The following AGPAT2 variants were observed in gnomAD, a reference collection of about 807,000 sequenced individuals.
AGPAT2 encodes 1-acylglycerol-3-phosphate O-acyltransferase 2.
A neutral mutation model predicts 26.1 loss-of-function variants in AGPAT2; 18 were observed. The observed-to-expected ratio is 0.69, with a 90% CI of 0.48 to 1.02. The LOEUF (loss-of-function observed/expected upper bound fraction) is 1.02, where lower values mean the gene tolerates loss of function less well. Ranked by LOEUF, AGPAT2 falls within the 50% of genes least tolerant of loss-of-function variation. AGPAT2 has a pLI of 0.00. For synonymous variants in AGPAT2, 200 were observed against 174.2 expected (o/e 1.15, Z -1.16); for missense variants, 415 against 394.9 (o/e 1.05, Z -0.43).
rs1289409198 is a variant in AGPAT2, at chr9:136,676,677, T to C, written c.496A>G (p.Lys166Glu). 1.2e-6 allele frequency: 2 copies of C among 1,613,396 alleles called. No individual in the cohort carries two copies. Among genetic ancestry groups the C allele is most frequent in the Non-Finnish European group, 1.7e-6 (2 of 1,179,820 alleles). The part of the protein sequence containing the change: ...LGERMVRENL[K>E]VWIYPEGTRN... The stretch of plus-strand genomic sequence containing the variant: ...GTACCCTCGGGATAGATCCACACTT[T>C]GAGCTGCAGGGAGAGGAGAGCCTGG... Residue 166 changes from lysine (K) to glutamate (E), a missense_variant, in exon 4 of 6, where the codon AAA (lysine) becomes GAA (glutamate). By Grantham distance (56) the Lys-to-Glu change is moderately conservative. Coordinates refer to ENST00000371696, the MANE Select transcript of AGPAT2 (RefSeq NM_006412.4).
chr9:136,679,964 G>GA (rs1247397696), intron 1 of AGPAT2, among the ~76,000 whole-genome samples: 1 of 152,238 alleles, frequency 6.6e-6, no homozygotes, highest in African/African-American at 2.4e-5. Context: ...AGTGTGCAGT[G>GA]AATTAGGAAA....
intron 3 of AGPAT2, 99 bp from the exon 4 acceptor site, chr9:136,676,779 T>C (rs1470088414): frequency 7.4e-7 from 1 of 1,344,616 alleles, no homozygotes; most frequent in Non-Finnish European, 1.1e-6. Context: ...GCAAAGCAGC[T>C]GGCATGGGAC....
chr9:136,686,156 G>A (rs1418698453), intron 1 of AGPAT2, among the ~76,000 whole-genome samples: 3 of 152,232 alleles, frequency 2.0e-5, no homozygotes, highest in African/African-American at 7.2e-5. Flanking sequence ...GCCCGTTCCA[G>A]CAGCCTCAGT....
At chr9:136,686,895 G>A (rs1846228230) in intron 1 of AGPAT2, among the ~76,000 whole-genome samples, 1 of 152,260 alleles carries the variant, frequency 6.6e-6, no homozygotes, top group African/African-American at 2.4e-5. Flanking sequence ...ACGCCGGGCT[G>A]CAGGGACGCG....
rs374919945 is a variant in AGPAT2 at position 136,676,977 on chromosome 9, C to A, written c.476G>T (p.Arg159Leu). ...AMTVMADLGE[R>L]MVRENLKVWI... ...CACACTCACGTTCTCCCTGACCATG[C>A]GCTCGCCCAGGTCGGCCATCACTGT... Residue 159 changes from arginine (R) to leucine (L), a missense_variant, in exon 3 of 6, where the codon CGC becomes CTC. Coordinates refer to ENST00000371696, the MANE Select transcript of AGPAT2 (RefSeq NM_006412.4). 2.6e-5 allele frequency: 41 copies of A among 1,576,024 alleles called. No individual in the cohort carries two copies. Among genetic ancestry groups the A allele is most frequent in the Middle Eastern group, 3.4e-4 (2 of 5,906 alleles).
chr9:136,674,349 G>T (rs904114620), intron 5 of AGPAT2, among the ~76,000 whole-genome samples: 5 of 152,042 alleles, frequency 3.3e-5, no homozygotes, highest in African/African-American at 9.7e-5. Context: ...GGCTGGAAGG[G>T]GCAAGAGGTC....
Position 136,673,758 on chromosome 9 carries a change from G to A in AGPAT2, c.831C>T (p.Ala277=). Residue 277 remains alanine, a synonymous_variant, in exon 6 of 6, where the codon GCC becomes GCT. Coordinates refer to ENST00000371696, the MANE Select transcript of AGPAT2 (RefSeq NM_006412.4). ...TGCCCTGCCGTGGTCTGGGCTACTGGGCCGGCTGCACGCCAGACCCCGCAG... is the reference window on the plus strand; with the variant it reads ...TGCCCTGCCGTGGTCTGGGCTACTGAGCCGGCTGCACGCCAGACCCCGCAG... ...GATAGSGVQP[A]Q The A allele has an allele frequency of 1.3e-6, 2 of 1,591,568 alleles. No individual in the cohort carries two copies. The highest frequency in any genetic ancestry group is 1.7e-6 in the Non-Finnish European group (2 of 1,170,454).
intron 1 of AGPAT2, among the ~76,000 whole-genome samples, chr9:136,678,027 T>A (rs1431411839): frequency 6.6e-6 from 1 of 152,002 alleles, no homozygotes; most frequent in Non-Finnish European, 1.5e-5. Context: ...CAGGGCCACA[T>A]CAGGAAGAAA....
At chr9:136,678,881 T>G (rs1846125717) in intron 1 of AGPAT2, among the ~76,000 whole-genome samples, 1 of 151,020 alleles carries the variant, frequency 6.6e-6, no homozygotes, top group South Asian at 2.1e-4. Context: ...GGCTCCTGAC[T>G]AGCTGGGACC....
intron 1 of AGPAT2, among the ~76,000 whole-genome samples, chr9:136,679,116 G>C (rs752226669): frequency 1.3e-5 from 2 of 152,152 alleles, no homozygotes; most frequent in Non-Finnish European, 2.9e-5. Flanking sequence ...CCTTTTCCGG[G>C]TGCACAGTTC....
intron 1 of AGPAT2, among the ~76,000 whole-genome samples, 162 bp from the exon 2 acceptor site, chr9:136,677,718 A>T (rs1398087248): frequency 6.6e-6 from 1 of 152,092 alleles, no homozygotes; most frequent in Non-Finnish European, 1.5e-5. Context: ...AAGCGGACAG[A>T]GTCCCGGGCC....
At chr9:136,684,565 G>T (rs1846199794) in intron 1 of AGPAT2, among the ~76,000 whole-genome samples, 2 of 152,208 alleles carry the variant, frequency 1.3e-5, no homozygotes, top group South Asian at 4.1e-4. Context: ...GTGGGGAGGG[G>T]CTGGGCCTCA....
Position 136,687,309 on chromosome 9 carries a change from G to C in AGPAT2, c.49C>G (p.Leu17Val), listed in dbSNP as rs1156772737. The change falls in exon 1 of 6, where the codon CTG (leucine) becomes GTG (valine). Residue 17 changes from leucine (L) to valine (V), a missense_variant. Coordinates refer to ENST00000371696, the MANE Select transcript of AGPAT2 (RefSeq NM_006412.4). ...TCGGCCGCGCGGCTCAGCTGCACCA[G>C]CAGCAGCAGCAACAGCAGCGCCGCG... ...LAAALLLLLLLVQLSRAAEFY... is the reference protein window; with the variant it reads ...LAAALLLLLLVVQLSRAAEFY... 9 of 1,552,414 alleles carry C rather than the reference G, an allele frequency of 5.8e-6. No homozygotes were observed. Among genetic ancestry groups the C allele is most frequent in the East Asian group, 2.5e-5 (1 of 39,766 alleles).
At chr9:136,678,079 G>C (rs942684359) in intron 1 of AGPAT2, among the ~76,000 whole-genome samples, 2 of 152,176 alleles carry the variant, frequency 1.3e-5, no homozygotes, top group African/African-American at 4.8e-5. Flanking sequence ...CCTCCGAAAG[G>C]TTCTTCCAGA....
At chr9:136,678,098 G>A (rs1010038253) in intron 1 of AGPAT2, among the ~76,000 whole-genome samples, 3 of 152,158 alleles carry the variant, frequency 2.0e-5, no homozygotes, top group African/African-American at 7.2e-5. Context: ...GAAAAGAGCC[G>A]AGACCGAGAC....
chr9:136,687,415 T>TC lies in AGPAT2; in HGVS notation c.-59dup. 2.2e-6 allele frequency: 3 copies of TC among 1,351,616 alleles called. No homozygotes were observed. Among genetic ancestry groups the TC allele is most frequent in the Non-Finnish European group, 2.8e-6 (3 of 1,052,956 alleles). 83.7% of individuals were successfully genotyped at this position (1,351,616 alleles called of 1,614,324 possible). A position where few individuals can be genotyped will look rare whatever the true frequency, so the allele number is the denominator to read the frequency against. On this transcript the variant is annotated 5_prime_UTR_variant, in exon 1 of 6. Transcript: ENST00000371696. ...TCGCTCCCGCTCCCGCTCCCGCTTC[T>TC]CCCCCGCGCGCTCAGGCCCCTTATT...
intron 1 of AGPAT2, among the ~76,000 whole-genome samples, chr9:136,679,376 G>A (rs1846132949): frequency 6.6e-6 from 1 of 152,170 alleles, no homozygotes; most frequent in Non-Finnish European, 1.5e-5. Context: ...GGTTAATTCT[G>A]GTGATGAGTC....
At chr9:136,685,624 G>A (rs540969067) in intron 1 of AGPAT2, among the ~76,000 whole-genome samples, 2 of 152,280 alleles carry the variant, frequency 1.3e-5, no homozygotes, top group Non-Finnish European at 2.9e-5. Flanking sequence ...CCACACCCCA[G>A]GACACGCCCA....
chr9:136,678,902 G>A (rs1846126264), intron 1 of AGPAT2, among the ~76,000 whole-genome samples: 5 of 152,032 alleles, frequency 3.3e-5, no homozygotes, highest in Admixed American at 2.6e-4. Flanking sequence ...ACAGACGTGA[G>A]CCACCACACC....
Sources: allele counts gnomAD v4.1 joint callset (sites outside exome capture counted in the v4.1 genomes callset), GRCh38; gene constraint gnomAD v4.1.1; transcripts MANE v1.5; gene names NCBI Gene and HGNC (gene_info 2026-07-23, HGNC 2026-07-21).